Variants in ZNF8 observed in about 807,000 individuals in gnomAD.
ZNF8 encodes zinc finger protein 272.
A neutral mutation model predicts 12.2 loss-of-function variants in ZNF8; 9 were observed. The observed-to-expected ratio is 0.73, with a 90% CI of 0.44 to 1.28. The LOEUF (loss-of-function observed/expected upper bound fraction) is 1.28. Among genes scored for constraint, ZNF8 ranks in the 50% most tolerant of loss-of-function variants. The pLI is 0.00. For missense variants in ZNF8, 664 were observed against 729.1 expected (o/e 0.91, Z 1.03); for synonymous variants, 274 against 282.3 (o/e 0.97, Z 0.30).
In ZNF8 at chr19:58,295,135, G is replaced by C. The variant is rs1167563610; in HGVS notation, c.1327G>C (p.Glu443Gln). The change falls in exon 4 of 4, where the codon GAA (glutamate) becomes CAA (glutamine). Residue 443 changes from glutamate to glutamine, a missense_variant. Around this residue, in one of 3 missense-constraint regions of ZNF8, gnomAD observed 225 missense variants for 222.0 expected, o/e 1.01. Transcript: ENST00000621650. ...FEQTPALTKH[E>Q]WTEALGCDPP... ...GCAGACGCCAGCTCTCACAAAGCATGAATGGACAGAAGCCCTGGGCTGTGA... is the reference window on the plus strand; with the variant it reads ...GCAGACGCCAGCTCTCACAAAGCATCAATGGACAGAAGCCCTGGGCTGTGA... 1 of 1,613,870 alleles carries C rather than the reference G, an allele frequency of 6.2e-7. No individual in the cohort carries two copies. The highest frequency in any genetic ancestry group is 8.5e-7 in the Non-Finnish European group (1 of 1,180,050).
chr19:58,281,040 A>G (rs915178030), intron 1 of ZNF8, among the ~76,000 whole-genome samples: 1 of 152,188 alleles, frequency 6.6e-6, no homozygotes, highest in Admixed American at 6.5e-5. Context: ...TACCATATAT[A>G]GTAATATTCA....
chr19:58,279,582 C>A, intron 1 of ZNF8: 1 of 1,532,390 alleles, frequency 6.5e-7, no homozygotes, highest in African/African-American at 1.4e-5. Flanking sequence ...AGTCAGCGGA[C>A]ACCCACCGGG....
intron 3 of ZNF8, 132 bp from the exon 4 acceptor site, chr19:58,293,966 G>A (rs960601987): frequency 3.9e-6 from 3 of 775,844 alleles, no homozygotes; most frequent in African/African-American, 1.7e-5. Context: ...GTTAAAATAA[G>A]AGGAGAATCA....
chr19:58,298,604 C>T lies in ZNF8; in HGVS notation c.*3068C>T, dbSNP rs2051471498. 1 of 152,144 alleles carries T rather than the reference C, an allele frequency of 6.6e-6. No individual in the cohort carries two copies. The highest frequency in any genetic ancestry group is 2.4e-5 in the African/African-American group (1 of 41,438). The allele number at this position is 152,144 out of a possible 1,614,324, so 9.4% of individuals were successfully genotyped here. A position where few individuals can be genotyped will look rare whatever the true frequency, so the allele number is the denominator to read the frequency against. On this transcript the variant is annotated 3_prime_UTR_variant, in exon 4 of 4. Coordinates refer to ENST00000621650, the MANE Select transcript of ZNF8 (RefSeq NM_021089.3). ...TCTCCCAAAATGCTGGCATTACAGG[C>T]ATGAGCCACCGTGCCTGGCCTACTT...
chr19:58,285,928 G>T, intron 2 of ZNF8, 85 bp downstream of exon 2: 1 of 1,524,710 alleles, frequency 6.6e-7, no homozygotes, highest in Non-Finnish European at 8.9e-7. Context: ...CTGACCTTGG[G>T]TCCTCACTCC....
At chr19:58,292,785 C>T (rs752697571) in intron 3 of ZNF8, among the ~76,000 whole-genome samples, 18 of 152,132 alleles carry the variant, frequency 1.2e-4, no homozygotes, top group Non-Finnish European at 2.1e-4. Context: ...AATATCCCGT[C>T]GTATGGATAG....
At chr19:58,289,753 A>C (rs923266407) in intron 3 of ZNF8, among the ~76,000 whole-genome samples, 3 of 148,242 alleles carry the variant, frequency 2.0e-5, no homozygotes, top group Admixed American at 6.7e-5. Context: ...TCCTATATGG[A>C]CTCTTTGGTC....
rs369714854 is a variant in ZNF8, at chr19:58,294,191, C to T, written c.383C>T (p.Pro128Leu). The T allele has an allele frequency of 2.9e-5, 47 of 1,614,100 alleles. No individual in the cohort carries two copies. The Admixed American group carries it at 3.3e-4, about 11-fold the overall frequency. The change falls in exon 4 of 4, where the codon CCG becomes CTG. Residue 128 changes from proline (P) to leucine (L), a missense_variant. This residue lies in a region of ZNF8 where 306 missense variants were observed against 308.7 expected (regional missense o/e 0.99). Coordinates refer to ENST00000621650, the MANE Select transcript of ZNF8 (RefSeq NM_021089.3). The surrounding 1 kb of genome is among the most constrained non-coding windows in gnomAD (Gnocchi z 5.5). ...PSHVTGREGF[P>L]TDAPYPTTLG... Reference sequence around the variant, plus strand: ...CATGTCACGGGAAGGGAAGGATTCCCGACAGATGCTCCTTATCCCACCACG... The same window carrying T: ...CATGTCACGGGAAGGGAAGGATTCCTGACAGATGCTCCTTATCCCACCACG...
intron 3 of ZNF8, among the ~76,000 whole-genome samples, chr19:58,291,505 C>G (rs1372710941): frequency 1.3e-5 from 2 of 151,536 alleles, no homozygotes; most frequent in African/African-American, 4.9e-5. Context: ...TGTCTTTAGT[C>G]TCTGTGTTTT....
At chr19:58,283,003 A>G (rs2051360259) in intron 1 of ZNF8, among the ~76,000 whole-genome samples, 1 of 146,436 alleles carries the variant, frequency 6.8e-6, no homozygotes. Context: ...TTGAGACAGG[A>G]TGTCACTCTG....
At chr19:58,291,034 T>C (rs1198408886) in intron 3 of ZNF8, among the ~76,000 whole-genome samples, 1 of 152,062 alleles carries the variant, frequency 6.6e-6, no homozygotes, top group Non-Finnish European at 1.5e-5. Context: ...ATTTCAAATA[T>C]AAAATAAAAT....
At chr19:58,290,668 G>A (rs766422405) in intron 3 of ZNF8, among the ~76,000 whole-genome samples, 4 of 152,166 alleles carry the variant, frequency 2.6e-5, no homozygotes, top group Non-Finnish European at 5.9e-5. Context: ...GCTGAGCGGG[G>A]AGGATTGCTT....
rs775381910 is a variant in ZNF8, at chr19:58,295,373, A to G, written c.1565A>G (p.Lys522Arg). 3.7e-6 allele frequency: 6 copies of G among 1,614,064 alleles called. No individual in the cohort carries two copies. The highest frequency in any genetic ancestry group is 5.1e-6 in the Non-Finnish European group (6 of 1,180,020). The change falls in exon 4 of 4, where the codon AAG (lysine) becomes AGG (arginine). Residue 522 changes from lysine to arginine, a missense_variant. Lys to Arg is a conservative substitution (Grantham distance 26). Transcript: ENST00000621650. ...LVQHQHPNSR[K>R]SSAGGAKAGQ... ...CAGCATCAACACCCGAACTCCAGAA[A>G]GAGCTCTGCAGGCGGAGCAAAGGCA...
rs1249324083 is a variant in ZNF8, at chr19:58,294,414, T to G, written c.606T>G (p.Thr202=). 6.2e-7 allele frequency: 1 copy of G among 1,614,080 alleles called. No individual in the cohort carries two copies. The highest frequency in any genetic ancestry group is 2.2e-5 in the East Asian group (1 of 44,884). The part of the protein sequence containing the change: ...PEISRGEYLY[T]YDSQITDSEH... ...TCTCTAGAGGGGAGTATTTGTATACTTACGACTCACAGATTACAGACTCAG... is the reference window on the plus strand; with the variant it reads ...TCTCTAGAGGGGAGTATTTGTATACGTACGACTCACAGATTACAGACTCAG... The change falls in exon 4 of 4, where the codon ACT becomes ACG. Residue 202 remains threonine, a synonymous_variant. Coordinates refer to ENST00000621650, the MANE Select transcript of ZNF8 (RefSeq NM_021089.3). The surrounding 1 kb of genome is among the most constrained non-coding windows in gnomAD (Gnocchi z 5.5).
In ZNF8 at chr19:58,294,530, C is replaced by G. The variant is rs773080835; in HGVS notation, c.722C>G (p.Ala241Gly). The G allele has an allele frequency of 6.2e-7, 1 of 1,614,190 alleles. No homozygotes were observed. Among genetic ancestry groups the G allele is most frequent in the Admixed American group, 1.7e-5 (1 of 60,028 alleles). The change falls in exon 4 of 4, where the codon GCC becomes GGC. Residue 241 changes from alanine to glycine, a missense_variant. Ala to Gly is a moderately conservative substitution (Grantham distance 60, BLOSUM62 0). This residue lies in a region of ZNF8 where 306 missense variants were observed against 308.7 expected (regional missense o/e 0.99). Coordinates refer to ENST00000621650, the MANE Select transcript of ZNF8 (RefSeq NM_021089.3). The surrounding 1 kb of genome is among the most constrained non-coding windows in gnomAD (Gnocchi z 5.5). Reference protein sequence around the residue: ...NSDCHRDSSQAIPITELTKSQ... With the variant: ...NSDCHRDSSQGIPITELTKSQ... Reference sequence around the variant, plus strand: ...GACTGTCACAGAGATTCCAGTCAGGCCATTCCAATTACGGAACTCACAAAA... The same window carrying G: ...GACTGTCACAGAGATTCCAGTCAGGGCATTCCAATTACGGAACTCACAAAA...
rs2051479781 is a variant in ZNF8, at chr19:58,299,679, G to C, written c.*4143G>C. 1 of 152,174 alleles carries C rather than the reference G, an allele frequency of 6.6e-6. No individual in the cohort carries two copies. The highest frequency in any genetic ancestry group is 6.5e-5 in the Admixed American group (1 of 15,272). The allele number at this position is 152,174 out of a possible 1,614,324, so 9.4% of individuals were successfully genotyped here. ...AGCTACTCGGGAGGCTGAGGCGGGA[G>C]AATGGCGTGAACCTGGGAGGCAGAG... On this transcript the variant is annotated 3_prime_UTR_variant, in exon 4 of 4. Transcript: ENST00000621650.
At chr19:58,290,033 T>C (rs918073311) in intron 3 of ZNF8, among the ~76,000 whole-genome samples, 4 of 151,422 alleles carry the variant, frequency 2.6e-5, no homozygotes, top group African/African-American at 4.9e-5. Context: ...CTTGACCTTG[T>C]GATCCGCCCG....
At chr19:58,289,029 C>T (rs1039656211) in intron 3 of ZNF8, among the ~76,000 whole-genome samples, 10 of 152,128 alleles carry the variant, frequency 6.6e-5, no homozygotes, top group Non-Finnish European at 1.5e-5. Context: ...AGTATGGGGT[C>T]AAAATCATGA....
At chr19:58,279,842 A>G (rs2051337271) in intron 1 of ZNF8, 2 of 1,364,642 alleles carry the variant, frequency 1.5e-6, no homozygotes, top group African/African-American at 2.9e-5. Context: ...AACAACAATA[A>G]TTATCCTTCC....
Sources: gnomAD v4.1 joint callset for allele counts (sites outside exome capture counted in the v4.1 genomes callset) on GRCh38, gnomAD v4.1.1 for gene constraint, gnomAD v4.1.1 regional missense constraint, Gnocchi (gnomAD v3.1) non-coding constraint, MANE v1.5 for transcripts, NCBI Gene and HGNC (gene_info 2026-07-23, HGNC 2026-07-21) for gene names.